E2F2: variants seen among roughly 807,000 people sequenced by gnomAD.
E2F2 encodes the protein transcription factor E2F2.
E2F2 carries 22 observed loss-of-function variants against 42.2 expected under a neutral mutation model. The observed-to-expected ratio is 0.52, with a 90% CI of 0.37 to 0.74. The LOEUF is 0.74. Ranked by LOEUF, E2F2 falls within the 30% of genes least tolerant of loss-of-function variation. E2F2 has a pLI of 0.00. For missense variants in E2F2, 481 were observed against 557.8 expected (o/e 0.86, Z 1.39); for synonymous variants, 248 against 251.6 (o/e 0.99, Z 0.13).
chr1:23,529,893 G>C (rs1472876103), intron 1 of E2F2, among the ~76,000 whole-genome samples: 1 of 152,174 alleles, frequency 6.6e-6, no homozygotes, highest in East Asian at 1.9e-4. Context: ...ACTACACTTT[G>C]GGCCCTCTCT....
rs1642847615 is a variant in E2F2, at chr1:23,508,651, C to T, written c.*1229G>A. On this transcript the variant is annotated 3_prime_UTR_variant, in exon 7 of 7. Transcript: ENST00000361729. ...GTGAAGGCCTGGTCTGCCATGAAGA[C>T]CTCTCTCTGTCACCCCTTCAGTATA... 6.6e-6 allele frequency: 1 copy of T among 152,270 alleles called. No homozygotes were observed. The highest frequency in any genetic ancestry group is 1.5e-5 in the Non-Finnish European group (1 of 68,094). The allele number at this position is 152,270 out of a possible 1,614,324, so 9.4% of individuals were successfully genotyped here.
downstream of E2F2, among the ~76,000 whole-genome samples, chr1:23,505,725 GGAT>G (rs1472150504): frequency 6.6e-6 from 1 of 152,126 alleles, no homozygotes; most frequent in Admixed American, 6.5e-5. Flanking sequence ...GTGTTAGCCA[GGAT>G]GATCTCAATC....
chr1:23,517,099 T>A (rs963147247), intron 5 of E2F2, among the ~76,000 whole-genome samples: 3 of 152,164 alleles, frequency 2.0e-5, no homozygotes, highest in African/African-American at 7.2e-5. Context: ...AGTCATAGTT[T>A]GAGCATCTAC....
intron 5 of E2F2, among the ~76,000 whole-genome samples, chr1:23,517,545 C>T (rs1187326529): frequency 6.6e-6 from 1 of 152,226 alleles, no homozygotes; most frequent in Non-Finnish European, 1.5e-5. Context: ...GTCTCTGCAG[C>T]CCCAGTTCTT....
chr1:23,526,855 A>G (rs1031775076), intron 1 of E2F2, among the ~76,000 whole-genome samples: 2 of 149,904 alleles, frequency 1.3e-5, no homozygotes, highest in Non-Finnish European at 3.0e-5. Context: ...GTACTTGCAC[A>G]CACACACACA....
chr1:23,524,107 A>AC (rs1558253448), intron 2 of E2F2, among the ~76,000 whole-genome samples: 9 of 130,392 alleles, frequency 6.9e-5, no homozygotes, highest in South Asian at 2.7e-4. Flanking sequence ...ACAACAACAA[A>AC]AAAAAACACA....
rs377159879 is a variant in E2F2 at position 23,516,328 on chromosome 1, G to T, written c.1045+7C>A. 16 of 1,522,394 alleles carry T rather than the reference G, an allele frequency of 1.1e-5. No individual in the cohort carries two copies. Among genetic ancestry groups the T allele is most frequent in the Non-Finnish European group, 1.3e-5 (15 of 1,139,292 alleles). 94.3% of individuals were successfully genotyped at this position (1,522,394 alleles called of 1,614,324 possible). A position where few individuals can be genotyped will look rare whatever the true frequency, so the allele number is the denominator to read the frequency against. On this transcript the variant is annotated splice_region_variant and intron_variant, in intron 6 of 6. Coordinates refer to ENST00000361729, the MANE Select transcript of E2F2 (RefSeq NM_004091.4). ...CCACCTCCTGTCCCTCTGGACAAGG[G>T]ACCTACCTGAGGATGCTGTGGGCTC...
chr1:23,521,938 A>G lies in E2F2; in HGVS notation c.477T>C (p.Ala159=). Residue 159 remains alanine (A), a synonymous_variant, in exon 3 of 7, where the codon GCT becomes GCC. Transcript: ENST00000361729. ...GCCGCTTCTGCACGTCCAGCACCTC[A>G]GCGGCCCAGTTCAGGTCCAGGACCC... ...EDGVLDLNWA[A]EVLDVQKRRI... The G allele has an allele frequency of 6.2e-7, 1 of 1,614,156 alleles. No homozygotes were observed. The highest frequency in any genetic ancestry group is 2.2e-5 in the East Asian group (1 of 44,890).
At chr1:23,514,467 C>T (rs768489999) in intron 6 of E2F2, among the ~76,000 whole-genome samples, 3 of 152,074 alleles carry the variant, frequency 2.0e-5, no homozygotes, top group Non-Finnish European at 2.9e-5. Context: ...GCTGTGTGAC[C>T]TTAGGGAAGC....
At chr1:23,514,673 C>CA (rs34938409) in intron 6 of E2F2, among the ~76,000 whole-genome samples, 114,523 of 142,108 alleles carry the variant, frequency 0.81, 46,046 homozygotes, top group East Asian at 0.92. Context: ...ACTAAAAATA[C>CA]AAAAAAAAAA....
chr1:23,523,771 T>C (rs991612470), intron 2 of E2F2, among the ~76,000 whole-genome samples: 32 of 152,252 alleles, frequency 2.1e-4, no homozygotes, highest in Middle Eastern at 3.4e-3. Flanking sequence ...GTACATGGTA[T>C]GGTAGAAGTA....
At chr1:23,520,378 T>C (rs1164754637) in intron 4 of E2F2, among the ~76,000 whole-genome samples, 2 of 151,450 alleles carry the variant, frequency 1.3e-5, no homozygotes, top group Non-Finnish European at 2.9e-5. Context: ...TGGCAGCTCA[T>C]CATTCTTTTT....
In E2F2 at chr1:23,510,033, G is replaced by A; in HGVS notation, c.1161C>T (p.Asp387=). ...LPHPLLQQTE[D]QFLSPTLACS... Reference sequence around the variant, plus strand: ...ACGCCAGGGTCGGGGACAGGAACTGGTCCTCAGTCTGCTGCAGGAGTGGGT... The same window carrying A: ...ACGCCAGGGTCGGGGACAGGAACTGATCCTCAGTCTGCTGCAGGAGTGGGT... The change falls in exon 7 of 7, where the codon GAC becomes GAT. Residue 387 remains aspartate (D), a synonymous_variant. Coordinates refer to ENST00000361729, the MANE Select transcript of E2F2 (RefSeq NM_004091.4). 6.2e-7 allele frequency: 1 copy of A among 1,613,358 alleles called. No homozygotes were observed. Among genetic ancestry groups the A allele is most frequent in the Non-Finnish European group, 8.5e-7 (1 of 1,179,822 alleles).
chr1:23,510,286 T>TGATACGGCGA, intron 6 of E2F2, 138 bp from the exon 7 acceptor site: 2 of 1,377,586 alleles, frequency 1.5e-6, no homozygotes, highest in Non-Finnish European at 1.9e-6. Flanking sequence ...GCTCTCAAAA[T>TGATACGGCGA]CCACCTTCCA....
chr1:23,524,092 C>CAAAA (rs1200088873), intron 2 of E2F2, among the ~76,000 whole-genome samples: 1 of 55,818 alleles, frequency 1.8e-5, no homozygotes, highest in Admixed American at 1.6e-4. Context: ...ACAACAACAA[C>CAAAA]AACAACAACA....
chr1:23,523,357 A>G (rs1202275545), intron 2 of E2F2, among the ~76,000 whole-genome samples: 1 of 152,122 alleles, frequency 6.6e-6, no homozygotes, highest in Non-Finnish European at 1.5e-5. Context: ...GGGTTTCACC[A>G]CGTTGGCCAG....
At chr1:23,525,221 G>A (rs1462338795) in intron 1 of E2F2, among the ~76,000 whole-genome samples, 13 of 147,808 alleles carry the variant, frequency 8.8e-5, no homozygotes, top group Admixed American at 6.8e-4. Flanking sequence ...TTCTGTTCCC[G>A]CCAAGCTTGG....
chr1:23,521,465 G>A (rs372020223), intron 3 of E2F2: 12 of 825,100 alleles, frequency 1.5e-5, no homozygotes, highest in African/African-American at 9.2e-5. Flanking sequence ...GAAGGAGTCC[G>A]GGATCCCCCT....
chr1:23,510,075 G>A lies in E2F2; in HGVS notation c.1119C>T (p.Ser373=). The A allele has an allele frequency of 1.2e-6, 2 of 1,608,768 alleles. No individual in the cohort carries two copies. Among genetic ancestry groups the A allele is most frequent in the Non-Finnish European group, 1.7e-6 (2 of 1,178,312 alleles). ...GGAGTGGGTGCGGCAGCTCCAGCAG[G>A]CTGTCAGTAGCCTCCAAGGGGACCA... ...PSLVPLEATD[S]LLELPHPLLQ... The change falls in exon 7 of 7, where the codon AGC becomes AGT. Residue 373 remains serine (S), a synonymous_variant. Transcript: ENST00000361729.
Sources: gnomAD v4.1 joint callset for allele counts (sites outside exome capture counted in the v4.1 genomes callset) on GRCh38, gnomAD v4.1.1 for gene constraint, MANE v1.5 for transcripts, NCBI Gene and HGNC (gene_info 2026-07-23, HGNC 2026-07-21) for gene names.